Variants in FLT3 observed in about 807,000 individuals in gnomAD.
The protein encoded by FLT3 is receptor-type tyrosine-protein kinase FLT3.
FLT3 carries 46 observed loss-of-function variants against 126.6 expected under a neutral mutation model. That is an observed-to-expected ratio of 0.36 (90% CI 0.29 to 0.46). The LOEUF (loss-of-function observed/expected upper bound fraction) is 0.46. FLT3 is among the 20% of genes least tolerant of loss of function. FLT3 has a pLI of 1.00. For synonymous variants in FLT3, 404 were observed against 434.4 expected (o/e 0.93, Z 0.87); for missense variants, 1,069 against 1,190.3 (o/e 0.90, Z 1.50).
chr13:28,052,533 G>GA lies in FLT3; in HGVS notation c.614+11dup. 1.2e-6 allele frequency: 2 copies of GA among 1,605,690 alleles called. No individual in the cohort carries two copies. Among genetic ancestry groups the GA allele is most frequent in the South Asian group, 2.2e-5 (2 of 89,754 alleles). On this transcript the variant is annotated intron_variant, in intron 5 of 23. Transcript: ENST00000241453. Reference sequence around the variant, plus strand: ...AATTATGAGAATAGCAGCTACCATGGATGTGTCATACCTTTCCCCCTGTGA... The same window carrying GA: ...AATTATGAGAATAGCAGCTACCATGGAATGTGTCATACCTTTCCCCCTGTGA...
At chr13:28,055,929 A>G (rs1429291165) in intron 4 of FLT3, among the ~76,000 whole-genome samples, 2 of 152,200 alleles carry the variant, frequency 1.3e-5, no homozygotes, top group African/African-American at 4.8e-5. Flanking sequence ...GACATTAAAG[A>G]GCAACATAAG....
At chr13:28,035,285 T>C (rs895367752) in intron 12 of FLT3, among the ~76,000 whole-genome samples, 2 of 152,222 alleles carry the variant, frequency 1.3e-5, no homozygotes, top group Admixed American at 1.3e-4. Context: ...TCCCGGTCAC[T>C]GTGACACATG....
intron 1 of FLT3, among the ~76,000 whole-genome samples, chr13:28,098,889 T>G (rs1879643704): frequency 6.6e-6 from 1 of 152,134 alleles, no homozygotes. Context: ...TTGGTTTACA[T>G]GAAGTTCAAA....
intron 15 of FLT3, among the ~76,000 whole-genome samples, chr13:28,031,516 T>C (rs1291989020): frequency 6.6e-6 from 1 of 151,740 alleles, no homozygotes; most frequent in African/African-American, 2.4e-5. Flanking sequence ...GGGACAACAA[T>C]TGGATGTTAA....
In FLT3 at chr13:28,049,375, C is replaced by T; in HGVS notation, c.1036+9G>A. On this transcript the variant is annotated intron_variant, in intron 8 of 23. Coordinates refer to ENST00000241453, the MANE Select transcript of FLT3 (RefSeq NM_004119.3). ...TAGGAATAAAGATTGTGTGAGCAGC[C>T]TGCATTACCTACGATGGTAACCAAA... 6.2e-7 allele frequency: 1 copy of T among 1,610,616 alleles called. No homozygotes were observed. Among genetic ancestry groups the T allele is most frequent in the South Asian group, 1.1e-5 (1 of 90,376 alleles).
intron 15 of FLT3, 32 bp from the exon 16 acceptor site, chr13:28,028,320 A>G (rs201510078): frequency 8.7e-7 from 1 of 1,153,246 alleles, no homozygotes; most frequent in East Asian, 2.3e-5. Flanking sequence ...AAAATGTAAA[A>G]CTCAAGTAAA....
At chr13:28,085,717 A>G (rs931976658) in intron 1 of FLT3, among the ~76,000 whole-genome samples, 3 of 144,224 alleles carry the variant, frequency 2.1e-5, no homozygotes, top group African/African-American at 8.8e-5. Flanking sequence ...TTTCTCTGAA[A>G]TGTACTTTGT....
rs1004865447 is a variant in FLT3 at position 28,014,763 on chromosome 13, G to A, written c.2754-206C>T. On this transcript the variant is annotated intron_variant, in intron 22 of 23. Transcript: ENST00000241453. ...AGAAATGCATTTAAAGAAACATGAC[G>A]TAGTGGATAGAATCGAATGACCTTC... Among the ~76,000 whole-genome samples, 9 of 152,182 alleles carry A rather than the reference G, an allele frequency of 5.9e-5. No homozygotes were observed. In the East Asian group the frequency reaches 1.2e-3, roughly 20 times the overall value.
chr13:28,035,173 G>A (rs1314938770), intron 12 of FLT3, among the ~76,000 whole-genome samples: 1 of 152,098 alleles, frequency 6.6e-6, no homozygotes, highest in Non-Finnish European at 1.5e-5. Flanking sequence ...AAATAAGGAG[G>A]CTAATCAAAA....
chr13:28,092,442 C>T (rs1373229599), intron 1 of FLT3, among the ~76,000 whole-genome samples: 1 of 152,066 alleles, frequency 6.6e-6, no homozygotes, highest in African/African-American at 2.4e-5. Flanking sequence ...TCATAGCTCA[C>T]TGCAGCCTCA....
In FLT3 at chr13:28,023,481, T is replaced by C; in HGVS notation, c.2291-4A>G. The stretch of plus-strand genomic sequence containing the variant: ...TGGTTTTCATATTCAATTTCATCTG[T>C]AAAATAGAGCCAGTCTTCACTTTTG... On this transcript the variant is annotated splice_region_variant and splice_polypyrimidine_tract_variant and intron_variant, in intron 18 of 23. Coordinates refer to ENST00000241453, the MANE Select transcript of FLT3 (RefSeq NM_004119.3). 6.2e-7 allele frequency: 1 copy of C among 1,613,266 alleles called. No individual in the cohort carries two copies. The highest frequency in any genetic ancestry group is 8.5e-7 in the Non-Finnish European group (1 of 1,179,838).
intron 1 of FLT3, among the ~76,000 whole-genome samples, chr13:28,088,677 C>CG (rs1344941980): frequency 6.6e-6 from 1 of 151,484 alleles, no homozygotes; most frequent in South Asian, 2.1e-4. Flanking sequence ...CCTCCACCCC[C>CG]GGGTTCAAGC....
chr13:28,019,486 T>C (rs920225053), intron 19 of FLT3, among the ~76,000 whole-genome samples: 1 of 151,976 alleles, frequency 6.6e-6, no homozygotes, highest in African/African-American at 2.4e-5. Context: ...AGGGCACTAG[T>C]AGCAAAGGTC....
chr13:28,008,187 G>C (rs531491007), intron 23 of FLT3, among the ~76,000 whole-genome samples: 70 of 138,922 alleles, frequency 5.0e-4, no homozygotes, highest in African/African-American at 1.8e-3. Context: ...CTCTGCAAAA[G>C]AGAATTTTTA....
chr13:28,041,620 A>G (rs925622941), intron 9 of FLT3, among the ~76,000 whole-genome samples: 1 of 152,200 alleles, frequency 6.6e-6, no homozygotes, highest in Admixed American at 6.5e-5. Context: ...GCCTTTCCTC[A>G]TGCTTATGAC....
At position 28,015,707 on chromosome 13, in the gene FLT3, G is replaced by C. The variant is rs1871794612; in HGVS notation, c.2542-6C>G. The C allele has an allele frequency of 6.3e-7, 1 of 1,574,844 alleles. No homozygotes were observed. Among genetic ancestry groups the C allele is most frequent in the African/African-American group, 1.3e-5 (1 of 74,144 alleles). The stretch of plus-strand genomic sequence containing the variant: ...CATTTTACAGGCAGACGGGCCTGTG[G>C]AAAACCCAGAGGAGATAAGATGGTG... On this transcript the variant is annotated splice_polypyrimidine_tract_variant and splice_region_variant and intron_variant, in intron 20 of 23. Transcript: ENST00000241453.
At chr13:28,088,155 T>C (rs1343986293) in intron 1 of FLT3, among the ~76,000 whole-genome samples, 12 of 152,252 alleles carry the variant, frequency 7.9e-5, no homozygotes, top group Non-Finnish European at 1.8e-4. Flanking sequence ...ATTAAATTTA[T>C]GGTGAGCACT....
rs1873638920 is a variant in FLT3 at position 28,034,345 on chromosome 13, A to T, written c.1660T>A (p.Phe554Ile). The change falls in exon 13 of 24, where the codon TTC becomes ATC. Residue 554 changes from phenylalanine (F) to isoleucine (I), a missense_variant. Transcript: ENST00000241453. ...ATTAGCAGGGTTAAAACGACAATGA[A>T]GAGGAGACAAACACCAATTGTTGCA... ...FYATIGVCLL[F>I]IVVLTLLICH... 4 of 1,614,140 alleles carry T rather than the reference A, an allele frequency of 2.5e-6. No homozygotes were observed. Among genetic ancestry groups the T allele is most frequent in the Non-Finnish European group, 3.4e-6 (4 of 1,179,972 alleles).
chr13:28,012,881 G>A (rs1367264757), intron 23 of FLT3, among the ~76,000 whole-genome samples: 1 of 151,866 alleles, frequency 6.6e-6, no homozygotes, highest in East Asian at 1.9e-4. Flanking sequence ...AGGCTGCAGT[G>A]AGCTGAGATC....
Sources: allele counts gnomAD v4.1 joint callset (sites outside exome capture counted in the v4.1 genomes callset), GRCh38; gene constraint gnomAD v4.1.1; transcripts MANE v1.5; gene names NCBI Gene and HGNC (gene_info 2026-07-23, HGNC 2026-07-21).